BMP2K: variants seen among roughly 807,000 people sequenced by gnomAD.
BMP2K encodes the protein BMP-2-inducible protein kinase.
In BMP2K, 74 loss-of-function variants were observed where a neutral mutation model predicts 116.0. The observed-to-expected ratio is 0.64, with a 90% CI of 0.53 to 0.77. BMP2K has a LOEUF of 0.77. Ranked by LOEUF, BMP2K falls within the 30% of genes least tolerant of loss-of-function variation. BMP2K has a pLI of 0.00. For missense variants in BMP2K, 1,365 were observed against 1,403.6 expected (o/e 0.97, Z 0.44); for synonymous variants, 486 against 502.5 (o/e 0.97, Z 0.44).
intron 15 of BMP2K, among the ~76,000 whole-genome samples, chr4:78,907,226 C>A (rs1577982666): frequency 6.6e-6 from 1 of 151,808 alleles, no homozygotes; most frequent in Admixed American, 6.6e-5. Context: ...AGATTTATAC[C>A]CACACTGACA....
intron 1 of BMP2K, among the ~76,000 whole-genome samples, chr4:78,778,263 G>A (rs1211668985): frequency 6.6e-6 from 1 of 152,108 alleles, no homozygotes; most frequent in Non-Finnish European, 1.5e-5. Flanking sequence ...TTTGTAACTT[G>A]TATTACTCAC....
At chr4:78,889,278 T>C (rs556075085) in intron 15 of BMP2K, among the ~76,000 whole-genome samples, 1 of 150,668 alleles carries the variant, frequency 6.6e-6, no homozygotes, top group South Asian at 2.1e-4. Context: ...TAAAGAAATC[T>C]TTTTAAACAG....
intron 9 of BMP2K, among the ~76,000 whole-genome samples, chr4:78,865,031 C>T (rs1340939512): frequency 6.6e-6 from 1 of 152,148 alleles, no homozygotes; most frequent in Non-Finnish European, 1.5e-5. Context: ...CTAAGTAAAG[C>T]AAAGTTAAAG....
At chr4:78,861,050 T>A (rs1363857950) in intron 8 of BMP2K, among the ~76,000 whole-genome samples, 1 of 151,906 alleles carries the variant, frequency 6.6e-6, no homozygotes. Context: ...TGTTTGTTGC[T>A]TTTTCCAAAA....
chr4:78,779,050 CTCTGCAGTG>C (rs1226040113), intron 1 of BMP2K, among the ~76,000 whole-genome samples: 1 of 152,120 alleles, frequency 6.6e-6, no homozygotes, highest in Non-Finnish European at 1.5e-5. Context: ...TCATAATGAC[CTCTGCAGTG>C]TCTTTTTAAT....
chr4:78,878,946 T>C (rs2110067144), intron 14 of BMP2K, 55 bp downstream of exon 14: 1 of 1,569,750 alleles, frequency 6.4e-7, no homozygotes, highest in East Asian at 2.3e-5. Context: ...AGCTCTATTA[T>C]TATTCAGCAA....
At chr4:78,828,903 G>A (rs1425547443) in intron 2 of BMP2K, among the ~76,000 whole-genome samples, 1 of 152,182 alleles carries the variant, frequency 6.6e-6, no homozygotes, top group African/African-American at 2.4e-5. Flanking sequence ...GAAGGAATGG[G>A]CGGGGTAGCT....
intron 3 of BMP2K, among the ~76,000 whole-genome samples, chr4:78,841,463 T>C (rs1489029294): frequency 6.6e-6 from 1 of 152,214 alleles, no homozygotes; most frequent in East Asian, 1.9e-4. Flanking sequence ...TAATGGTATA[T>C]GTGTGGCAAT....
chr4:78,793,551 GTTGT>G (rs1188555205), intron 1 of BMP2K, among the ~76,000 whole-genome samples: 5 of 152,026 alleles, frequency 3.3e-5, no homozygotes, highest in Admixed American at 3.3e-4. Context: ...GCACTCGGTG[GTTGT>G]TGATAGTTTT....
chr4:78,885,880 A>G (rs1733051176), intron 14 of BMP2K, among the ~76,000 whole-genome samples: 1 of 152,176 alleles, frequency 6.6e-6, no homozygotes, highest in East Asian at 1.9e-4. Context: ...TTTTAGAGAC[A>G]GAGTCTCTCT....
intron 14 of BMP2K, among the ~76,000 whole-genome samples, chr4:78,881,449 T>C (rs1253908043): frequency 6.6e-6 from 1 of 152,100 alleles, no homozygotes; most frequent in East Asian, 1.9e-4. Flanking sequence ...GTGACTATTT[T>C]GGGGTCATTG....
intron 1 of BMP2K, among the ~76,000 whole-genome samples, chr4:78,803,037 A>G (rs568086503): frequency 5.0e-4 from 76 of 151,970 alleles, no homozygotes; most frequent in Admixed American, 1.9e-3. Context: ...TTTAGTAGAG[A>G]TGGGGTTTCA....
Position 78,851,066 on chromosome 4 carries a change from T to G in BMP2K, c.883+10T>G. 1.2e-6 allele frequency: 2 copies of G among 1,602,672 alleles called. No individual in the cohort carries two copies. The stretch of plus-strand genomic sequence containing the variant: ...ATACATTGCTTAATAAGTAAGTATT[T>G]GGGAAAATGTATGAAAATATTGTAG... On this transcript the variant is annotated intron_variant, in intron 7 of 15. Transcript: ENST00000502613.
intron 4 of BMP2K, among the ~76,000 whole-genome samples, chr4:78,843,687 A>G (rs1577919135): frequency 6.6e-6 from 1 of 151,946 alleles, no homozygotes; most frequent in East Asian, 1.9e-4. Context: ...AACTGCAGGC[A>G]TCTCGCCTTA....
chr4:78,776,638 G>T lies in BMP2K; in HGVS notation c.95G>T (p.Cys32Phe). The change falls in exon 1 of 16, where the codon TGC (cysteine) becomes TTC (phenylalanine). Residue 32 changes from cysteine (C) to phenylalanine (F), a missense_variant. By Grantham distance (205) the Cys-to-Phe change is radical. This residue lies in a region of BMP2K where 762 missense variants were observed against 756.7 expected (regional missense o/e 1.01). Coordinates refer to ENST00000502613, the MANE Select transcript of BMP2K (RefSeq NM_198892.2). ...GGCGGGGCCGGGGCCGGGGCCGGCT[G>T]CGGCTCCGGCGGCTCGTCCGTGGGG... ...GAGGAGAGAG[C>F]GSGGSSVGVR... 1 of 1,217,536 alleles carries T rather than the reference G, an allele frequency of 8.2e-7. No individual in the cohort carries two copies. The allele number at this position is 1,217,536 out of a possible 1,614,324, so 75.4% of individuals were successfully genotyped here.
intron 9 of BMP2K, among the ~76,000 whole-genome samples, chr4:78,861,792 A>C (rs753318254): frequency 1.3e-5 from 2 of 151,804 alleles, no homozygotes; most frequent in Non-Finnish European, 2.9e-5. Context: ...CTATGTTTTG[A>C]GTTTATAGAT....
chr4:78,810,384 C>T (rs911151197), intron 1 of BMP2K, among the ~76,000 whole-genome samples: 1 of 152,258 alleles, frequency 6.6e-6, no homozygotes, highest in Non-Finnish European at 1.5e-5. Context: ...TTTTTCGAAG[C>T]CCCTGTAGAT....
intron 1 of BMP2K, among the ~76,000 whole-genome samples, chr4:78,777,448 G>C (rs1295579489): frequency 6.6e-6 from 1 of 152,126 alleles, no homozygotes; most frequent in Non-Finnish European, 1.5e-5. Context: ...TCATGATCTG[G>C]AACAGGTTAT....
intron 10 of BMP2K, 111 bp downstream of exon 10, chr4:78,865,831 A>C: frequency 9.3e-7 from 1 of 1,073,164 alleles, no homozygotes; most frequent in Non-Finnish European, 1.3e-6. Context: ...AGATAACATA[A>C]TGCTTTCAGA....
Sources: allele counts gnomAD v4.1 joint callset (sites outside exome capture counted in the v4.1 genomes callset), GRCh38; gene constraint gnomAD v4.1.1; regional missense constraint gnomAD v4.1.1; transcripts MANE v1.5; gene names NCBI Gene and HGNC (gene_info 2026-07-23, HGNC 2026-07-21).